SPTB: variants seen among roughly 807,000 people sequenced by gnomAD.
SPTB encodes spectrin beta chain, erythrocytic.
SPTB carries 45 observed loss-of-function variants against 256.2 expected under a neutral mutation model. That is an observed-to-expected ratio of 0.18 (90% CI 0.14 to 0.23). The LOEUF is 0.23. Ranked by LOEUF, SPTB falls within the 10% of genes least tolerant of loss-of-function variation. SPTB has a pLI of 1.00. For missense variants in SPTB, 2,715 were observed against 3,040.4 expected, an observed-to-expected ratio of 0.89 and a Z score of 2.52; for synonymous variants, 1,231 against 1,243.1, an observed-to-expected ratio of 0.99 and a Z score of 0.21.
At chr14:64,800,080 C>T in intron 8 of SPTB, 146 bp from the exon 9 acceptor site, 1 of 963,110 alleles carries the variant, frequency 1.0e-6, no homozygotes, top group Non-Finnish European at 1.6e-6. Flanking sequence ...GTTCCCTGAG[C>T]CCAAGTGTGC....
intron 1 of SPTB, among the ~76,000 whole-genome samples, chr14:64,872,148 T>TA (rs1281739669): frequency 3.3e-5 from 5 of 151,328 alleles, no homozygotes; most frequent in Admixed American, 1.3e-4. Context: ...AAACAGAAAT[T>TA]AAAAAAAAAT....
rs34353769 is a variant in SPTB, at chr14:64,748,936, C to CTTTTT, written c.*365_*369dup. The CTTTTT allele has an allele frequency of 7.8e-6, 1 of 128,390 alleles. No individual in the cohort carries two copies. 8.0% of individuals were successfully genotyped at this position (128,390 alleles called of 1,614,324 possible). A position where few individuals can be genotyped will look rare whatever the true frequency, so the allele number is the denominator to read the frequency against. ...AGAACCCCATCAGCCTTCTCCAGCT[C>CTTTTT]TTTTTTTTTTTTTTTTTTGGTTGGG... On this transcript the variant is annotated 3_prime_UTR_variant, in exon 36 of 36. Transcript: ENST00000644917.
intron 1 of SPTB, among the ~76,000 whole-genome samples, chr14:64,861,122 TCTCA>T (rs1348125575): frequency 1.3e-5 from 2 of 152,088 alleles, no homozygotes; most frequent in Non-Finnish European, 2.9e-5. Flanking sequence ...CACCGCATGT[TCTCA>T]CTCATAAGTA....
Position 64,771,213 on chromosome 14 carries a change from C to T in SPTB, c.5554-84G>A. Reference sequence around the variant, plus strand: ...CCTAGGACTGGAAGGGCAGCTACCTCCTCCTGGCCTCCCTGCCCAGGGCAC... The same window carrying T: ...CCTAGGACTGGAAGGGCAGCTACCTTCTCCTGGCCTCCCTGCCCAGGGCAC... On this transcript the variant is annotated intron_variant, in intron 26 of 35. Coordinates refer to ENST00000644917, the MANE Select transcript of SPTB (RefSeq NM_001355436.2). 2.5e-6 allele frequency: 4 copies of T among 1,593,682 alleles called. No individual in the cohort carries two copies. The South Asian group carries it at 4.4e-5, about 18-fold the overall frequency.
chr14:64,862,860 A>G (rs192136152), intron 1 of SPTB, among the ~76,000 whole-genome samples: 66 of 67,916 alleles, frequency 9.7e-4, no homozygotes, highest in African/African-American at 2.2e-3. Context: ...AAACAAATAA[A>G]CAACAATAAC....
chr14:64,879,117 C>A (rs1319177985), intron 1 of SPTB, among the ~76,000 whole-genome samples: 1 of 152,106 alleles, frequency 6.6e-6, no homozygotes, highest in Non-Finnish European at 1.5e-5. Flanking sequence ...TAGAGTAGCC[C>A]GGAGAAGCTT....
At position 64,767,835 on chromosome 14, in the gene SPTB, C is replaced by T; in HGVS notation, c.6047G>A (p.Arg2016Lys). The T allele has an allele frequency of 6.2e-7, 1 of 1,614,036 alleles. No individual in the cohort carries two copies. Among genetic ancestry groups the T allele is most frequent in the Admixed American group, 1.7e-5 (1 of 60,030 alleles). ...RMLLEVCQFSRDASVAEAWLI... is the reference protein window; with the variant it reads ...RMLLEVCQFSKDASVAEAWLI... ...CCACGCCTCAGCCACAGAGGCATCCCTCGAGAACTGGCACACCTCCAGCAC... is the reference window on the plus strand; with the variant it reads ...CCACGCCTCAGCCACAGAGGCATCCTTCGAGAACTGGCACACCTCCAGCAC... Residue 2016 changes from arginine to lysine, a missense_variant, in exon 30 of 36, where the codon AGG becomes AAG. This residue lies in a region of SPTB where 2,239 missense variants were observed against 2,384.4 expected (regional missense o/e 0.94). Transcript: ENST00000644917.
intron 2 of SPTB, among the ~76,000 whole-genome samples, chr14:64,812,120 T>G (rs3819926): frequency 0.049 from 7,472 of 152,358 alleles, 266 homozygotes; most frequent in East Asian, 0.2. Context: ...AGCTAATTTT[T>G]GTATTTTTAG....
Position 64,802,163 on chromosome 14 carries a change from C to T in SPTB, c.566+63G>A. On this transcript the variant is annotated intron_variant, in intron 5 of 35. Coordinates refer to ENST00000644917, the MANE Select transcript of SPTB (RefSeq NM_001355436.2). The surrounding 1 kb of genome is among the most constrained non-coding windows in gnomAD (Gnocchi z 5.1). ...ATGTCTAATGTCCCTCTGGAGATGG[C>T]AGTGCTTGTGCGGAGCAAGGGGCTG... 1 of 1,461,566 alleles carries T rather than the reference C, an allele frequency of 6.8e-7. No individual in the cohort carries two copies. Among genetic ancestry groups the T allele is most frequent in the Non-Finnish European group, 9.6e-7 (1 of 1,042,584 alleles). The allele number at this position is 1,461,566 out of a possible 1,614,324, so 90.5% of individuals were successfully genotyped here. A position where few individuals can be genotyped will look rare whatever the true frequency, so the allele number is the denominator to read the frequency against.
Position 64,795,580 on chromosome 14 carries a change from G to A in SPTB, c.1401C>T (p.Ile467=), listed in dbSNP as rs747428125. The A allele has an allele frequency of 8.1e-6, 13 of 1,613,990 alleles. No individual in the cohort carries two copies. Among genetic ancestry groups the A allele is most frequent in the African/African-American group, 1.3e-5 (1 of 74,870 alleles). Residue 467 remains isoleucine, a synonymous_variant, in exon 12 of 36, where the codon ATC becomes ATT. Transcript: ENST00000644917. The surrounding 1 kb of genome is among the most constrained non-coding windows in gnomAD (Gnocchi z 6.5). ...CCTCGTAGGCAGCCGTGTCGGTCTC[G>A]ATGGCCTCATGCTTCTTCTTGGCGG... The part of the protein sequence containing the change: ...VEAAKKKHEA[I]ETDTAAYEER...
In SPTB at chr14:64,749,997, G is replaced by GCTT. The variant is rs753593714; in HGVS notation, c.6757_6759dup (p.Lys2253dup). 12 of 1,614,198 alleles carry GCTT rather than the reference G, an allele frequency of 7.4e-6. No individual in the cohort carries two copies. Among genetic ancestry groups the GCTT allele is most frequent in the East Asian group, 2.2e-5 (1 of 44,884 alleles). ...AGGCCTCACCTCAGCTTAAAGACGT[G>GCTT]CTTCTTCTTCTTGTAGTTGGCAGCA... On this transcript the variant is annotated inframe_insertion, in exon 34 of 36. Coordinates refer to ENST00000644917, the MANE Select transcript of SPTB (RefSeq NM_001355436.2). The surrounding 1 kb of genome is among the most constrained non-coding windows in gnomAD (Gnocchi z 4.7).
At chr14:64,879,263 C>T (rs1405247364) in intron 1 of SPTB, among the ~76,000 whole-genome samples, 1 of 152,214 alleles carries the variant, frequency 6.6e-6, no homozygotes, top group Admixed American at 6.5e-5. Context: ...GGCCCGGCCC[C>T]CTCTGCTGCC....
intron 1 of SPTB, among the ~76,000 whole-genome samples, chr14:64,854,274 CT>C (rs1206368948): frequency 4.9e-4 from 36 of 73,280 alleles, no homozygotes; most frequent in African/African-American, 1.6e-3. Context: ...TTTCCAAACT[CT>C]TTTTTTTTTT....
rs945992043 is a variant in SPTB, at chr14:64,866,566, G to A, written c.-52+13226C>T. Among the ~76,000 whole-genome samples, 3 of 152,140 alleles carry A rather than the reference G, an allele frequency of 2.0e-5. No individual in the cohort carries two copies. The highest frequency in any genetic ancestry group is 2.9e-5 in the Non-Finnish European group (2 of 68,030). On this transcript the variant is annotated intron_variant, in intron 1 of 35. Coordinates refer to ENST00000644917, the MANE Select transcript of SPTB (RefSeq NM_001355436.2). This position sits in a 1 kb window ranked among gnomAD's most constrained non-coding sequence, Gnocchi z 4.6. ...AAATACCAGCTCCTATCAGTCACTG[G>A]GTGCAGGACGAGGCAGGAGAAGAGA...
At chr14:64,876,364 C>T (rs1882826083) in intron 1 of SPTB, among the ~76,000 whole-genome samples, 1 of 152,030 alleles carries the variant, frequency 6.6e-6, no homozygotes. Context: ...ACTCCTGAGA[C>T]CAGCCTGACC....
At chr14:64,857,294 A>C (rs2083888400) in intron 1 of SPTB, among the ~76,000 whole-genome samples, 1 of 152,142 alleles carries the variant, frequency 6.6e-6, no homozygotes. Flanking sequence ...GAGAAAAAAC[A>C]ATCCCGGGCC....
intron 1 of SPTB, among the ~76,000 whole-genome samples, chr14:64,831,644 T>TA (rs1037817260): frequency 6.6e-6 from 1 of 152,202 alleles, no homozygotes; most frequent in African/African-American, 2.4e-5. Flanking sequence ...TCAGGCAGGC[T>TA]AAGTGTGGCT....
chr14:64,860,406 G>A (rs2083948927), intron 1 of SPTB, among the ~76,000 whole-genome samples: 1 of 152,150 alleles, frequency 6.6e-6, no homozygotes, highest in Non-Finnish European at 1.5e-5. Context: ...TAAAAACTCA[G>A]TTGTCCACAT....
intron 3 of SPTB, among the ~76,000 whole-genome samples, chr14:64,804,001 G>C (rs1019775697): frequency 3.3e-5 from 5 of 152,210 alleles, no homozygotes; most frequent in African/African-American, 1.2e-4. Flanking sequence ...GGCTGCATCG[G>C]TGCCCTTCTG....
Sources: allele counts gnomAD v4.1 joint callset (sites outside exome capture counted in the v4.1 genomes callset), GRCh38; gene constraint gnomAD v4.1.1; regional missense constraint gnomAD v4.1.1; non-coding constraint Gnocchi (gnomAD v3.1); transcripts MANE v1.5; gene names NCBI Gene and HGNC (gene_info 2026-07-23, HGNC 2026-07-21).